NCKAP1L: variants seen among roughly 807,000 people sequenced by gnomAD.
NCKAP1L encodes nck-associated protein 1-like.
In NCKAP1L, 53 loss-of-function variants were observed where a neutral mutation model predicts 139.2. The observed-to-expected ratio is 0.38, with a 90% CI of 0.31 to 0.48. NCKAP1L has a LOEUF of 0.48. Among genes scored for constraint, NCKAP1L ranks in the 20% least tolerant of loss-of-function variants. NCKAP1L has a pLI of 0.98. For missense variants in NCKAP1L, 1,151 were observed against 1,381.9 expected, an observed-to-expected ratio of 0.83 and a Z score of 2.65; for synonymous variants, 468 against 499.7, an observed-to-expected ratio of 0.94 and a Z score of 0.85.
rs773996065 is a variant in NCKAP1L, at chr12:54,526,610, T to C, written c.2239T>C (p.Tyr747His). 6.2e-7 allele frequency: 1 copy of C among 1,614,058 alleles called. No homozygotes were observed. The highest frequency in any genetic ancestry group is 1.1e-5 in the South Asian group (1 of 91,078). Residue 747 changes from tyrosine (Y) to histidine (H), a missense_variant, in exon 21 of 31, where the codon TAC (tyrosine) becomes CAC (histidine). Physicochemically the swap from Tyr to His is moderately conservative, Grantham distance 83. Coordinates refer to ENST00000293373, the MANE Select transcript of NCKAP1L (RefSeq NM_005337.5). The part of the protein sequence containing the change: ...PSELLAGVKA[Y>H]IGFIQSLAQF... ...TGAGCTGTTGGCAGGAGTCAAAGCA[T>C]ACATTGGTTTCATACAGTCACTGGC... is the stretch of plus-strand genomic sequence containing the variant.
chr12:54,522,886 A>T (rs1422096286), intron 18 of NCKAP1L, among the ~76,000 whole-genome samples: 6 of 152,184 alleles, frequency 3.9e-5, no homozygotes, highest in Non-Finnish European at 8.8e-5. Flanking sequence ...TTAAAAAAAA[A>T]GTGGAAAGAC....
Position 54,509,566 on chromosome 12 carries a change from G to A in NCKAP1L, c.507-103G>A, listed in dbSNP as rs901357142. On this transcript the variant is annotated intron_variant, in intron 5 of 30. Coordinates refer to ENST00000293373, the MANE Select transcript of NCKAP1L (RefSeq NM_005337.5). ...AGTATGTATATCTTTGGAGGTGGTG[G>A]GGAGTGCCAGCCTATGCACATATCT... The A allele has an allele frequency of 1.0e-5, 8 of 768,086 alleles. No individual in the cohort carries two copies. The African/African-American group carries it at 1.4e-4, about 13-fold the overall frequency. The allele number at this position is 768,086 out of a possible 1,614,324, so 47.6% of individuals were successfully genotyped here.
chr12:54,534,195 G>A (rs1957096623), intron 26 of NCKAP1L, among the ~76,000 whole-genome samples: 1 of 152,210 alleles, frequency 6.6e-6, no homozygotes, highest in Admixed American at 6.5e-5. Flanking sequence ...CACTAGGGTC[G>A]ATGTGTGGTC....
At position 54,545,689 on chromosome 12, in the gene NCKAP1L, A is replaced by G. The variant is rs969504029; in HGVS notation, c.*3004A>G. On this transcript the variant is annotated 3_prime_UTR_variant, in exon 31 of 31. Transcript: ENST00000293373. ...TAGGCCCAAAGGAACTAAAGAATGG[A>G]TATCAGAAATCTCACCCCAATTGTT... 4 of 152,260 alleles carry G rather than the reference A, an allele frequency of 2.6e-5. No individual in the cohort carries two copies. Among genetic ancestry groups the G allele is most frequent in the African/African-American group, 9.6e-5 (4 of 41,472 alleles). The allele number at this position is 152,260 out of a possible 1,614,324, so 9.4% of individuals were successfully genotyped here.
chr12:54,533,116 G>C (rs1441712509), intron 26 of NCKAP1L, among the ~76,000 whole-genome samples: 3 of 152,152 alleles, frequency 2.0e-5, no homozygotes, highest in Non-Finnish European at 4.4e-5. Flanking sequence ...GGGCAGTGAG[G>C]GGGCAGTGTT....
chr12:54,542,684 G>T lies in NCKAP1L; in HGVS notation c.3383G>T (p.Ter1128LeuextTer7). 2 of 1,589,748 alleles carry T rather than the reference G, an allele frequency of 1.3e-6. No individual in the cohort carries two copies. Among genetic ancestry groups the T allele is most frequent in the Non-Finnish European group, 1.7e-6 (2 of 1,163,756 alleles). ...GTGTCTCGGGCCTTCCACCTAAACT[G>T]AATGCCTGCCAGTACCCACTGAAGA... is the stretch of plus-strand genomic sequence containing the variant. ...REVSRAFHLN[*>L] Residue 1128 changes from the stop codon to leucine (L), a stop_lost, in exon 31 of 31, where the codon TGA becomes TTA. Coordinates refer to ENST00000293373, the MANE Select transcript of NCKAP1L (RefSeq NM_005337.5).
intron 2 of NCKAP1L, among the ~76,000 whole-genome samples, chr12:54,500,269 G>A (rs995186175): frequency 1.3e-5 from 2 of 151,878 alleles, no homozygotes; most frequent in East Asian, 1.9e-4. Context: ...CATTACAGGC[G>A]CCCGCCACCA....
At chr12:54,498,008 A>G in intron 1 of NCKAP1L, 117 bp downstream of exon 1, 1 of 648,600 alleles carries the variant, frequency 1.5e-6, no homozygotes, top group South Asian at 1.8e-5. Context: ...TTTTCCACTG[A>G]CTATAATCTA....
Position 54,540,207 on chromosome 12 carries a change from G to A in NCKAP1L, c.3273+1234G>A, listed in dbSNP as rs78797384. Among the ~76,000 whole-genome samples, 1,352 of 152,282 alleles carry A rather than the reference G, an allele frequency of 8.9e-3. 96 individuals carry two copies. In the East Asian group the frequency reaches 0.13, roughly 15 times the overall value. ...TGGACCTCCATCTGTATTCTTGTCCGAGGCCCAGAAATGCTAGGGGCCAGG... is the reference window on the plus strand; with the variant it reads ...TGGACCTCCATCTGTATTCTTGTCCAAGGCCCAGAAATGCTAGGGGCCAGG... On this transcript the variant is annotated intron_variant, in intron 30 of 30. Coordinates refer to ENST00000293373, the MANE Select transcript of NCKAP1L (RefSeq NM_005337.5).
chr12:54,519,214 C>A lies in NCKAP1L; in HGVS notation c.1507C>A (p.Leu503Met). ...ATACACTAGCGTGGCTAAGGCCCCT[C>A]TGCACCTGCATGAGAACCCTGACTT... ...QAYTSVAKAP[L>M]HLHENPDLAK... Residue 503 changes from leucine (L) to methionine (M), a missense_variant, in exon 16 of 31, where the codon CTG (leucine) becomes ATG (methionine). Transcript: ENST00000293373. 1 of 1,575,174 alleles carries A rather than the reference C, an allele frequency of 6.3e-7. No individual in the cohort carries two copies. The highest frequency in any genetic ancestry group is 1.2e-5 in the South Asian group (1 of 83,588).
At chr12:54,529,563 C>G (rs1189274111) in intron 22 of NCKAP1L, among the ~76,000 whole-genome samples, 1 of 152,120 alleles carries the variant, frequency 6.6e-6, no homozygotes, top group Non-Finnish European at 1.5e-5. Context: ...TTCTGTTTTC[C>G]AGTTCTGCCT....
intron 16 of NCKAP1L, among the ~76,000 whole-genome samples, chr12:54,519,729 T>C (rs996213139): frequency 3.9e-5 from 6 of 152,226 alleles, no homozygotes; most frequent in South Asian, 2.1e-4. Context: ...TCTTAAGTGA[T>C]AGGAATTTGA....
intron 10 of NCKAP1L, 110 bp downstream of exon 10, chr12:54,516,405 C>A: frequency 1.0e-6 from 1 of 981,324 alleles, no homozygotes; most frequent in Non-Finnish European, 1.6e-6. Context: ...TTGCCTCAAC[C>A]CAAGAACTTG....
At chr12:54,516,856 G>A (rs770093381) in intron 10 of NCKAP1L, 40 bp from the exon 11 acceptor site, 1 of 1,566,044 alleles carries the variant, frequency 6.4e-7, no homozygotes, top group Non-Finnish European at 8.8e-7. Flanking sequence ...GTTTTTAAGG[G>A]TGGGAGAGGT....
At chr12:54,529,066 A>T (rs978145972) in intron 22 of NCKAP1L, among the ~76,000 whole-genome samples, 1 of 152,142 alleles carries the variant, frequency 6.6e-6, no homozygotes, top group Admixed American at 6.5e-5. Flanking sequence ...ATACATATTA[A>T]CTCACTTAAT....
At chr12:54,530,590 A>T (rs748084167) in intron 22 of NCKAP1L, among the ~76,000 whole-genome samples, 2 of 152,214 alleles carry the variant, frequency 1.3e-5, no homozygotes, top group African/African-American at 4.8e-5. Flanking sequence ...CAGATCTTAG[A>T]TGAGGAAATA....
chr12:54,515,360 G>A (rs1629826), intron 9 of NCKAP1L, among the ~76,000 whole-genome samples: 97,139 of 152,034 alleles, frequency 0.64, 31,360 homozygotes, highest in East Asian at 0.93. Context: ...GAAAACAAAT[G>A]TAAGGAACAT....
intron 21 of NCKAP1L, among the ~76,000 whole-genome samples, chr12:54,527,793 G>C (rs1957038518): frequency 6.6e-6 from 1 of 152,184 alleles, no homozygotes; most frequent in Admixed American, 6.5e-5. Flanking sequence ...TTTGCCCAGA[G>C]GTCAGGAGGA....
At chr12:54,508,631 T>A in intron 5 of NCKAP1L, 100 bp downstream of exon 5, 1 of 1,245,510 alleles carries the variant, frequency 8.0e-7, no homozygotes, top group Non-Finnish European at 1.1e-6. Context: ...ATTTCTTATA[T>A]GAGAACCTAT....
Sources: allele counts gnomAD v4.1 joint callset (sites outside exome capture counted in the v4.1 genomes callset), GRCh38; gene constraint gnomAD v4.1.1; transcripts MANE v1.5; gene names NCBI Gene and HGNC (gene_info 2026-07-23, HGNC 2026-07-21).